The following DNAJC14 variants were observed in gnomAD, a reference collection of about 807,000 sequenced individuals.
DNAJC14 encodes DnaJ heat shock protein family (Hsp40) member C14.
Under a neutral mutation model 68.8 loss-of-function variants are expected in DNAJC14, and 12 were observed. The observed-to-expected ratio is 0.17, with a 90% CI of 0.11 to 0.28. The LOEUF (loss-of-function observed/expected upper bound fraction) is 0.28, where lower values mean the gene tolerates loss of function less well. Ranked by LOEUF, DNAJC14 falls within the 10% of genes least tolerant of loss-of-function variation. DNAJC14 has a pLI of 1.00. For missense variants in DNAJC14, 764 were observed against 875.6 expected, an observed-to-expected ratio of 0.87 and a Z score of 1.61; for synonymous variants, 350 against 321.5, an observed-to-expected ratio of 1.09 and a Z score of -0.95.
Position 55,828,213 on chromosome 12 carries a change from G to A in DNAJC14, c.446C>T (p.Ser149Phe). The change falls in exon 2 of 7, where the codon TCT (serine) becomes TTT (phenylalanine). Residue 149 changes from serine (S) to phenylalanine (F), a missense_variant. Transcript: ENST00000678005. ...EGPYSEGGNG[S>F]SSNFCHHCTS... Reference sequence around the variant, plus strand: ...ACAGTGGTGGCAAAAGTTGCTAGAAGAACCATTTCCTCCCTCAGAGTAAGG... The same window carrying A: ...ACAGTGGTGGCAAAAGTTGCTAGAAAAACCATTTCCTCCCTCAGAGTAAGG... The A allele has an allele frequency of 6.2e-7, 1 of 1,611,040 alleles. No homozygotes were observed. The highest frequency in any genetic ancestry group is 8.5e-7 in the Non-Finnish European group (1 of 1,178,720).
intron 1 of DNAJC14, chr12:55,829,065 GGGCCATGCGGCCCTGGA>G (rs1280342060): frequency 2.0e-6 from 2 of 990,776 alleles, no homozygotes; most frequent in African/African-American, 3.5e-5. Flanking sequence ...TAATGGGTGG[GGGCCATGCGGCCCTGGA>G]GGAAAATCTG....
At position 55,827,508 on chromosome 12, in the gene DNAJC14, C is replaced by G; in HGVS notation, c.1151G>C (p.Ser384Thr). The change falls in exon 2 of 7, where the codon AGC becomes ACC. Residue 384 changes from serine to threonine, a missense_variant. This residue lies in a region of DNAJC14 where 514 missense variants were observed against 521.7 expected (regional missense o/e 0.99). Coordinates refer to ENST00000678005, the MANE Select transcript of DNAJC14 (RefSeq NM_032364.6). Reference protein sequence around the residue: ...LQRCLTLLRDSRPWQRLVRIV... With the variant: ...LQRCLTLLRDTRPWQRLVRIV... ...TCTTACCAGCCGCTGCCATGGCCTG[C>G]TATCTCTCAGCAGAGTCAAGCAACG... 1 of 1,604,392 alleles carries G rather than the reference C, an allele frequency of 6.2e-7. No homozygotes were observed. The highest frequency in any genetic ancestry group is 8.5e-7 in the Non-Finnish European group (1 of 1,171,890).
In DNAJC14 at chr12:55,827,899, A is replaced by C; in HGVS notation, c.760T>G (p.Trp254Gly). 1 of 1,608,428 alleles carries C rather than the reference A, an allele frequency of 6.2e-7. No homozygotes were observed. Among genetic ancestry groups the C allele is most frequent in the Non-Finnish European group, 8.5e-7 (1 of 1,175,870 alleles). Residue 254 changes from tryptophan to glycine, a missense_variant, in exon 2 of 7, where the codon TGG becomes GGG. Physicochemically the swap from Trp to Gly is radical, Grantham distance 184. Coordinates refer to ENST00000678005, the MANE Select transcript of DNAJC14 (RefSeq NM_032364.6). ...LCQLGQAGFWWLIELLVLVGE... is the reference protein window; with the variant it reads ...LCQLGQAGFWGLIELLVLVGE... ...ACCAATACCAGCAGTTCAATCAGCCACCAAAAGCCTGCCTGTCCAAGTTGA... is the reference window on the plus strand; with the variant it reads ...ACCAATACCAGCAGTTCAATCAGCCCCCAAAAGCCTGCCTGTCCAAGTTGA...
At chr12:55,822,886 T>C (rs1880706612) in intron 4 of DNAJC14, among the ~76,000 whole-genome samples, 154 bp from the exon 5 acceptor site, 2 of 152,230 alleles carry the variant, frequency 1.3e-5, no homozygotes, top group Admixed American at 6.5e-5. Flanking sequence ...CTAAAGCTAA[T>C]GTTTCTTAGT....
At chr12:55,825,509 T>TA (rs1880769327) in intron 2 of DNAJC14, among the ~76,000 whole-genome samples, 1 of 151,324 alleles carries the variant, frequency 6.6e-6, no homozygotes. Flanking sequence ...CCCTCAAGCA[T>TA]AAGGTGCATG....
upstream of DNAJC14, chr12:55,829,672 A>G (rs905513438): frequency 6.4e-6 from 6 of 941,230 alleles, no homozygotes; most frequent in Non-Finnish European, 7.6e-6. Flanking sequence ...GGGAAGGAAA[A>G]GAAATAGCGG....
At position 55,828,280 on chromosome 12, in the gene DNAJC14, A is replaced by C. The variant is rs766755360; in HGVS notation, c.379T>G (p.Ser127Ala). Residue 127 changes from serine (S) to alanine (A), a missense_variant, in exon 2 of 7, where the codon TCT (serine) becomes GCT (alanine). Transcript: ENST00000678005. ...GGTGTTCCCTGGCAGTTGCAAGCAG[A>C]TGGAATGGAAAGAAAAGAGTTCCCA... ...KDGNSFLSIP[S>A]ACNCQGTPGI... is the part of the protein sequence containing the mutation. The C allele has an allele frequency of 1.2e-6, 2 of 1,608,074 alleles. No individual in the cohort carries two copies. The highest frequency in any genetic ancestry group is 2.2e-5 in the South Asian group (2 of 90,422).
chr12:55,829,399 C>T (rs1880905971), intron 1 of DNAJC14, 90 bp downstream of exon 1: 1 of 982,668 alleles, frequency 1.0e-6, no homozygotes, highest in African/African-American at 1.8e-5. Context: ...GAACCGAGAT[C>T]GTGCCACTGT....
At chr12:55,828,809 C>T (rs1374421699) in intron 1 of DNAJC14, 95 bp from the exon 2 acceptor site, 2 of 1,355,034 alleles carry the variant, frequency 1.5e-6, no homozygotes, top group African/African-American at 2.9e-5. Flanking sequence ...CATCCACCTC[C>T]CTTGTTTTCC....
At chr12:55,825,461 C>A (rs1880768233) in intron 2 of DNAJC14, among the ~76,000 whole-genome samples, 2 of 151,690 alleles carry the variant, frequency 1.3e-5, no homozygotes, top group Admixed American at 1.3e-4. Context: ...ATATCTACTT[C>A]TAATGCAATT....
Position 55,828,509 on chromosome 12 carries a change from G to C in DNAJC14, c.150C>G (p.Thr50=). The change falls in exon 2 of 7, where the codon ACC becomes ACG. Residue 50 remains threonine (T), a synonymous_variant. Transcript: ENST00000678005. ...RDSAGTAPNG[T]RCLTEHSGPK... ...GACCAGAGTGCTCTGTGAGGCAGCG[G>C]GTACCATTAGGAGCAGTCCCTGCTG... is the stretch of plus-strand genomic sequence containing the variant. 6.2e-7 allele frequency: 1 copy of C among 1,614,098 alleles called. No individual in the cohort carries two copies. The highest frequency in any genetic ancestry group is 8.5e-7 in the Non-Finnish European group (1 of 1,180,004).
chr12:55,821,112 ATTC>A lies in DNAJC14; in HGVS notation c.*862_*864del, dbSNP rs1292016591. ...CATGGGGGCTTCTGGGAACCCCCGT[ATTC>A]TTCCCCCTCACCCAAGGGCAGTGGG... On this transcript the variant is annotated 3_prime_UTR_variant, in exon 7 of 7. Coordinates refer to ENST00000678005, the MANE Select transcript of DNAJC14 (RefSeq NM_032364.6). The A allele has an allele frequency of 6.6e-6, 1 of 152,660 alleles. No individual in the cohort carries two copies. The highest frequency in any genetic ancestry group is 1.5e-5 in the Non-Finnish European group (1 of 68,040). 9.5% of individuals were successfully genotyped at this position (152,660 alleles called of 1,614,324 possible).
Position 55,822,589 on chromosome 12 carries a change from T to C in DNAJC14, c.1778A>G (p.Lys593Arg). Residue 593 changes from lysine (K) to arginine (R), a missense_variant, in exon 5 of 7, where the codon AAG becomes AGG. By Grantham distance (26) the Lys-to-Arg change is conservative. Coordinates refer to ENST00000678005, the MANE Select transcript of DNAJC14 (RefSeq NM_032364.6). ...KITYFALMDG[K>R]VYDITEWAGC... is the part of the protein sequence containing the mutation. ...GAGAGTACCTGTGATGTCATACACC[T>C]TTCCATCCATCAGTGCAAAGTAGGT... is the stretch of plus-strand genomic sequence containing the variant. The C allele has an allele frequency of 6.2e-7, 1 of 1,614,232 alleles. No homozygotes were observed.
chr12:55,826,618 G>A (rs962469932), intron 2 of DNAJC14, among the ~76,000 whole-genome samples: 26 of 152,016 alleles, frequency 1.7e-4, no homozygotes, highest in African/African-American at 5.3e-4. Flanking sequence ...TGGCTAACAC[G>A]GTGAAACCCC....
At position 55,828,270 on chromosome 12, in the gene DNAJC14, T is replaced by C; in HGVS notation, c.389A>G (p.Asn130Ser). The C allele has an allele frequency of 6.2e-7, 1 of 1,605,998 alleles. No homozygotes were observed. Among genetic ancestry groups the C allele is most frequent in the East Asian group, 2.2e-5 (1 of 44,834 alleles). Residue 130 changes from asparagine to serine, a missense_variant, in exon 2 of 7, where the codon AAC becomes AGC. Physicochemically the swap from Asn to Ser is conservative, Grantham distance 46 (BLOSUM62 1). Transcript: ENST00000678005. ...NSFLSIPSAC[N>S]CQGTPGIPEG... ...TGGAATTCCAGGTGTTCCCTGGCAG[T>C]TGCAAGCAGATGGAATGGAAAGAAA... is the stretch of plus-strand genomic sequence containing the variant.
chr12:55,830,397 G>A (rs956916473), upstream of DNAJC14: 2 of 152,108 alleles, frequency 1.3e-5, no homozygotes, highest in African/African-American at 4.8e-5. Flanking sequence ...CCGTTCCGTC[G>A]GTCCCCTCCT....
chr12:55,822,525 AAAAGAT>A, intron 5 of DNAJC14, 41 bp downstream of exon 5: 1 of 1,613,860 alleles, frequency 6.2e-7, no homozygotes, highest in Non-Finnish European at 8.5e-7. Context: ...TAGAGCACAT[AAAAGAT>A]CAGGAAGTAT....
In DNAJC14 at chr12:55,821,180, C is replaced by T. The variant is rs1592591578; in HGVS notation, c.*797G>A. On this transcript the variant is annotated 3_prime_UTR_variant, in exon 7 of 7. Transcript: ENST00000678005. ...TTAAAAATGATTAATTTTGGCCATC[C>T]TTGCAGAAAAGAGCCTAAAATTGGG... is the stretch of plus-strand genomic sequence containing the variant. 1 of 152,762 alleles carries T rather than the reference C, an allele frequency of 6.5e-6. No individual in the cohort carries two copies. Among genetic ancestry groups the T allele is most frequent in the East Asian group, 1.9e-4 (1 of 5,190 alleles). The allele number at this position is 152,762 out of a possible 1,614,324, so 9.5% of individuals were successfully genotyped here. A position where few individuals can be genotyped will look rare whatever the true frequency, so the allele number is the denominator to read the frequency against.
At chr12:55,822,949 G>C in intron 4 of DNAJC14, 121 bp downstream of exon 4, 1 of 1,498,660 alleles carries the variant, frequency 6.7e-7, no homozygotes, top group Non-Finnish European at 8.9e-7. Context: ...GAAACTTAAG[G>C]GTCTTTTTAC....
Sources: gnomAD v4.1 joint callset for allele counts (sites outside exome capture counted in the v4.1 genomes callset) on GRCh38, gnomAD v4.1.1 for gene constraint, gnomAD v4.1.1 regional missense constraint, MANE v1.5 for transcripts, NCBI Gene and HGNC (gene_info 2026-07-23, HGNC 2026-07-21) for gene names.